GRB14: variants seen among roughly 807,000 people sequenced by gnomAD.
GRB14 encodes growth factor receptor-bound protein 14.
GRB14 carries 38 observed loss-of-function variants against 69.1 expected under a neutral mutation model. The observed-to-expected ratio is 0.55, with a 90% CI of 0.42 to 0.72. GRB14 has a LOEUF of 0.72. Ranked by LOEUF, GRB14 falls within the 30% of genes least tolerant of loss-of-function variation. The pLI is 0.00. For synonymous variants in GRB14, 247 were observed against 241.3 expected (o/e 1.02, Z -0.22); for missense variants, 666 against 666.1 (o/e 1.00, Z 0.00).
rs147060280 is a variant in GRB14 at position 164,567,670 on chromosome 2, C to T, written c.325-19854G>A. ...ATATACCACCTTGTAAAATGCAATG[C>T]TGTAAGTGAGACATAAAAATAATCT... On this transcript the variant is annotated intron_variant, in intron 2 of 13. Transcript: ENST00000263915. 1.2e-3 allele frequency among the ~76,000 whole-genome samples: 182 copies of T among 152,188 alleles called. 9 individuals carry two copies. The East Asian group carries it at 0.032, about 27-fold the overall frequency.
intron 2 of GRB14, among the ~76,000 whole-genome samples, chr2:164,585,069 A>T: frequency 8.2e-6 from 1 of 122,698 alleles, no homozygotes; most frequent in African/African-American, 3.2e-5. Context: ...CAGCCCCTTC[A>T]TACCACCATG....
At chr2:164,590,715 C>G (rs1689641236) in intron 2 of GRB14, among the ~76,000 whole-genome samples, 1 of 152,190 alleles carries the variant, frequency 6.6e-6, no homozygotes, top group African/African-American at 2.4e-5. Flanking sequence ...TGGTTGAAAT[C>G]ACTTTGATAG....
intron 2 of GRB14, among the ~76,000 whole-genome samples, chr2:164,616,653 CTG>C (rs1471824822): frequency 1.3e-5 from 2 of 152,122 alleles, no homozygotes; most frequent in Admixed American, 6.6e-5. Context: ...TGGTTTTTGA[CTG>C]TGATTTTGAA....
chr2:164,547,842 AC>A (rs1362440332), intron 2 of GRB14, 26 bp from the exon 3 acceptor site: 1 of 1,540,376 alleles, frequency 6.5e-7, no homozygotes, highest in African/African-American at 1.4e-5. Flanking sequence ...CAAGAAAAAG[AC>A]CTAAAATATT....
chr2:164,571,343 G>A (rs558964122), intron 2 of GRB14, among the ~76,000 whole-genome samples: 93 of 152,238 alleles, frequency 6.1e-4, no homozygotes, highest in African/African-American at 2.2e-3. Context: ...TTTGCAGAAG[G>A]CCTGGAAGAG....
chr2:164,528,069 CAGAT>C (rs1559035867), intron 3 of GRB14, among the ~76,000 whole-genome samples: 1 of 152,060 alleles, frequency 6.6e-6, no homozygotes, highest in Non-Finnish European at 1.5e-5. Context: ...AATCCAGACA[CAGAT>C]AGTATATACT....
At chr2:164,526,610 C>G (rs1687780919) in intron 4 of GRB14, among the ~76,000 whole-genome samples, 1 of 151,982 alleles carries the variant, frequency 6.6e-6, no homozygotes, top group Non-Finnish European at 1.5e-5. Context: ...TTCCTAAATT[C>G]TATAGAAAGT....
At chr2:164,524,433 A>G (rs1687717555) in intron 5 of GRB14, among the ~76,000 whole-genome samples, 1 of 152,134 alleles carries the variant, frequency 6.6e-6, no homozygotes, top group African/African-American at 2.4e-5. Context: ...TGAGTCCAAT[A>G]GACACAAAAA....
intron 6 of GRB14, among the ~76,000 whole-genome samples, chr2:164,510,582 G>A (rs1687314174): frequency 6.6e-6 from 1 of 152,144 alleles, no homozygotes; most frequent in African/African-American, 2.4e-5. Context: ...GTGACATTAG[G>A]AGGGGCAGAG....
chr2:164,586,036 T>G (rs538735379), intron 2 of GRB14, among the ~76,000 whole-genome samples: 117 of 152,308 alleles, frequency 7.7e-4, no homozygotes, highest in African/African-American at 2.5e-3. Context: ...ACATAAGAGA[T>G]GCACACAACA....
intron 2 of GRB14, among the ~76,000 whole-genome samples, chr2:164,610,242 A>G (rs1447611163): frequency 1.3e-5 from 2 of 152,240 alleles, no homozygotes; most frequent in African/African-American, 4.8e-5. Flanking sequence ...GCTAGCATAT[A>G]CCTCTTGCTC....
intron 3 of GRB14, among the ~76,000 whole-genome samples, chr2:164,537,252 A>G (rs1353866827): frequency 2.6e-5 from 4 of 152,164 alleles, no homozygotes; most frequent in Non-Finnish European, 5.9e-5. Context: ...CTTTATTGCC[A>G]TAAGTATTTT....
intron 3 of GRB14, among the ~76,000 whole-genome samples, chr2:164,546,956 C>T (rs185360159): frequency 1.8e-4 from 28 of 152,258 alleles, no homozygotes; most frequent in Middle Eastern, 3.4e-3. Flanking sequence ...CTTTGGGAAC[C>T]TCTCCCATTT....
chr2:164,586,071 T>C (rs565699000), intron 2 of GRB14, among the ~76,000 whole-genome samples: 1 of 152,230 alleles, frequency 6.6e-6, no homozygotes, highest in South Asian at 2.1e-4. Context: ...TACATAGAAA[T>C]AGAACCTCGA....
intron 2 of GRB14, among the ~76,000 whole-genome samples, chr2:164,570,953 T>C (rs1473415945): frequency 6.6e-6 from 1 of 152,188 alleles, no homozygotes; most frequent in Non-Finnish European, 1.5e-5. Context: ...GGGAAAATTA[T>C]GAAGAGCAAA....
intron 2 of GRB14, among the ~76,000 whole-genome samples, chr2:164,585,081 C>T (rs1689504881): frequency 7.8e-6 from 1 of 128,832 alleles, no homozygotes; most frequent in African/African-American, 3.1e-5. Flanking sequence ...ACCACCATGC[C>T]TGGCTTTTTT....
intron 3 of GRB14, 29 bp downstream of exon 3, chr2:164,547,631 G>A: frequency 6.4e-7 from 1 of 1,572,302 alleles, no homozygotes; most frequent in Non-Finnish European, 8.7e-7. Flanking sequence ...GAAAAGCAAT[G>A]ATGTGAGACA....
intron 2 of GRB14, among the ~76,000 whole-genome samples, chr2:164,581,866 G>T (rs1056572103): frequency 2.0e-5 from 3 of 152,042 alleles, no homozygotes; most frequent in Admixed American, 1.3e-4. Context: ...AAAGAAAAAA[G>T]ACACTAAACT....
chr2:164,567,554 C>G (rs549254656), intron 2 of GRB14, among the ~76,000 whole-genome samples: 1 of 152,056 alleles, frequency 6.6e-6, no homozygotes, highest in African/African-American at 2.4e-5. Flanking sequence ...CTTCTCAATG[C>G]GACAGATTTG....
Sources: allele counts gnomAD v4.1 joint callset (sites outside exome capture counted in the v4.1 genomes callset), GRCh38; gene constraint gnomAD v4.1.1; transcripts MANE v1.5; gene names NCBI Gene and HGNC (gene_info 2026-07-23, HGNC 2026-07-21).